The following GPR143 variants were observed in gnomAD, a reference collection of about 807,000 sequenced individuals.
The protein encoded by GPR143 is G protein-coupled receptor 143.
Under a neutral mutation model 27.6 loss-of-function variants are expected in GPR143, and 8 were observed. That is an observed-to-expected ratio of 0.29 (90% CI 0.17 to 0.52). The LOEUF (loss-of-function observed/expected upper bound fraction) is 0.52, where lower values mean the gene tolerates loss of function less well. Among genes scored for constraint, GPR143 ranks in the 20% least tolerant of loss-of-function variants. The pLI is 0.96. For missense variants in GPR143, 303 were observed against 343.1 expected, an observed-to-expected ratio of 0.88 and a Z score of 0.92; for synonymous variants, 156 against 153.2, an observed-to-expected ratio of 1.02 and a Z score of -0.13.
chrX:9,743,956 C>G (rs1037203851), intron 5 of GPR143, among the ~76,000 whole-genome samples: 1 of 112,714 alleles, frequency 8.9e-6, no homozygotes, highest in African/African-American at 3.2e-5. Context: ...CTACCCTTTA[C>G]CCAGATTCCC....
chrX:9,770,017 T>G (rs948018330), upstream of GPR143, among the ~76,000 whole-genome samples: 1 of 109,463 alleles, frequency 9.1e-6, no homozygotes, highest in Non-Finnish European at 1.9e-5. Flanking sequence ...TAAATTGATA[T>G]AGACAAAACA....
At chrX:9,744,978 G>C (rs971036997) in intron 5 of GPR143, among the ~76,000 whole-genome samples, 1 of 112,193 alleles carries the variant, frequency 8.9e-6, no homozygotes, top group Non-Finnish European at 1.9e-5. Flanking sequence ...TGCGCCAGGC[G>C]TGGTGGCTCA....
chrX:9,765,476 A>G, intron 1 of GPR143, 92 bp downstream of exon 1: 1 of 871,726 alleles, frequency 1.1e-6, no homozygotes, highest in Non-Finnish European at 1.5e-6. Context: ...GTGCGCCCTT[A>G]TCCGGGCACC....
chrX:9,758,249 C>T (rs1283456558), intron 3 of GPR143, among the ~76,000 whole-genome samples: 1 of 111,733 alleles, frequency 8.9e-6, no homozygotes, highest in African/African-American at 3.3e-5. Context: ...GTTTCCTCAA[C>T]ACATGTGCAG....
Position 9,725,825 on chromosome X carries a change from G to T in GPR143, c.1136C>A (p.Thr379Lys), listed in dbSNP as rs749808145. The T allele has an allele frequency of 8.3e-7, 1 of 1,207,302 alleles. No individual in the cohort carries two copies. The highest frequency in any genetic ancestry group is 3.0e-5 in the East Asian group (1 of 33,707). Reference protein sequence around the residue: ...SMLSEGSDASTIEIHTASESC... With the variant: ...SMLSEGSDASKIEIHTASESC... Reference sequence around the variant, plus strand: ...TTCACTTGCAGTGTGAATTTCAATTGTGCTGGCATCAGAACCTGGAGAGGA... The same window carrying T: ...TTCACTTGCAGTGTGAATTTCAATTTTGCTGGCATCAGAACCTGGAGAGGA... Residue 379 changes from threonine to lysine, a missense_variant, in exon 9 of 9, where the codon ACA becomes AAA. By Grantham distance (78) the Thr-to-Lys change is moderately conservative (BLOSUM62 -1). Transcript: ENST00000467482.
rs754454393 is a variant in GPR143 at position 9,727,682 on chromosome X, A to C, written c.1121-1842T>G. ...ATCCTAGAGTACTTGCTCCAGCCGCAACACAGGTTATGGGCTTTCACATGG... is the reference window on the plus strand; with the variant it reads ...ATCCTAGAGTACTTGCTCCAGCCGCCACACAGGTTATGGGCTTTCACATGG... On this transcript the variant is annotated intron_variant, in intron 8 of 8. Transcript: ENST00000467482. Among the ~76,000 whole-genome samples, 7 of 113,016 alleles carry C rather than the reference A, an allele frequency of 6.2e-5. No individual in the cohort carries two copies. In the East Asian group the frequency reaches 1.9e-3, roughly 31 times the overall value.
In GPR143 at chrX:9,756,796, A is replaced by G. The variant is rs752319234; in HGVS notation, c.455+2536T>C. 4.4e-5 allele frequency among the ~76,000 whole-genome samples: 5 copies of G among 112,430 alleles called. No homozygotes were observed. In the East Asian group the frequency reaches 1.4e-3, roughly 31 times the overall value. The stretch of plus-strand genomic sequence containing the variant: ...TTACTGCTAGAATGTAAAATGGTAC[A>G]CTCACCTTGGAAAGCAGTTTAACAG... On this transcript the variant is annotated intron_variant, in intron 3 of 8. Transcript: ENST00000467482.
chrX:9,727,555 A>AC (rs759716356), intron 8 of GPR143, among the ~76,000 whole-genome samples: 1 of 113,316 alleles, frequency 8.8e-6, no homozygotes, highest in South Asian at 3.6e-4. Flanking sequence ...TTGCAAAGTG[A>AC]CCAAGAATAA....
upstream of GPR143, chrX:9,765,892 G>A: frequency 6.2e-6 from 6 of 965,608 alleles, no homozygotes; most frequent in Non-Finnish European, 7.9e-6. Context: ...TGGGCGGGCT[G>A]GGGGCGGCAT....
chrX:9,768,364 C>T (rs186832188), upstream of GPR143, among the ~76,000 whole-genome samples: 6 of 111,532 alleles, frequency 5.4e-5, no homozygotes, highest in Non-Finnish European at 5.7e-5. Flanking sequence ...CCATCTCTAG[C>T]GTCTTCCTCT....
At chrX:9,741,580 C>T in intron 6 of GPR143, 125 bp from the exon 7 acceptor site, 3 of 480,577 alleles carry the variant, frequency 6.2e-6, no homozygotes, top group Non-Finnish European at 1.2e-5. Flanking sequence ...TAGACATGGC[C>T]ACTTCTGCAG....
At chrX:9,764,178 C>T (rs1401097274) in intron 1 of GPR143, among the ~76,000 whole-genome samples, 2 of 110,987 alleles carry the variant, frequency 1.8e-5, no homozygotes, top group Non-Finnish European at 3.8e-5. Flanking sequence ...GTAGTCCCAG[C>T]TACTCGGGTA....
At position 9,759,193 on chromosome X, in the gene GPR143, T is replaced by C. The variant is rs1320219862; in HGVS notation, c.455+139A>G. ...ATAAAAATGAGCTGCTGTGGATGTT[T>C]CTAGGCGGAGGGGCCAGCTGACAGA... On this transcript the variant is annotated intron_variant, in intron 3 of 8. Transcript: ENST00000467482. The C allele has an allele frequency of 1.4e-5, 7 of 505,437 alleles. No homozygotes were observed. In the East Asian group the frequency reaches 2.6e-4, roughly 19 times the overall value. 41.7% of individuals were successfully genotyped at this position (505,437 alleles called of 1,213,427 possible).
At chrX:9,735,438 C>T (rs1733677178) in intron 8 of GPR143, among the ~76,000 whole-genome samples, 1 of 111,295 alleles carries the variant, frequency 9.0e-6, no homozygotes. Flanking sequence ...CTCCTCTTTG[C>T]CTATGCTGTT....
chrX:9,749,643 T>G (rs1442911800), intron 3 of GPR143, among the ~76,000 whole-genome samples: 1 of 112,754 alleles, frequency 8.9e-6, no homozygotes, highest in African/African-American at 3.2e-5. Flanking sequence ...TTTAATATTC[T>G]GTTGAGGCAG....
intron 3 of GPR143, among the ~76,000 whole-genome samples, chrX:9,750,046 G>C (rs1196726203): frequency 9.0e-6 from 1 of 110,633 alleles, no homozygotes; most frequent in Admixed American, 9.5e-5. Context: ...GATTACAGGC[G>C]TGAGCCATAG....
chrX:9,755,121 A>G (rs776402603), intron 3 of GPR143, among the ~76,000 whole-genome samples: 1 of 112,272 alleles, frequency 8.9e-6, no homozygotes, highest in Non-Finnish European at 1.9e-5. Flanking sequence ...TAAGTGTGGC[A>G]TGAAACTAAG....
In GPR143 at chrX:9,772,130, C is replaced by T. The variant is rs751778424; in HGVS notation, c.-2-11304G>A. The stretch of plus-strand genomic sequence containing the variant: ...GACTAACCTGGGACAGAAGTCAGGA[C>T]GCAGGGAGGAAAAGAAAGGGAAGAG... On this transcript the variant is annotated intron_variant, in intron 1 of 7. Coordinates refer to the GPR143 transcript ENST00000447366. 7.2e-5 allele frequency among the ~76,000 whole-genome samples: 8 copies of T among 111,475 alleles called. No individual in the cohort carries two copies. In the South Asian group the frequency reaches 2.7e-3, roughly 37 times the overall value.
chrX:9,762,606 G>A (rs1460109745), intron 1 of GPR143, among the ~76,000 whole-genome samples: 11 of 111,442 alleles, frequency 9.9e-5, no homozygotes, highest in Non-Finnish European at 1.9e-4. Context: ...CACATACCAT[G>A]TAATATACCA....
Sources: allele counts gnomAD v4.1 joint callset (sites outside exome capture counted in the v4.1 genomes callset), GRCh38; gene constraint gnomAD v4.1.1; transcripts MANE v1.5; gene names NCBI Gene and HGNC (gene_info 2026-07-23, HGNC 2026-07-21).